MIB2: variants seen among roughly 807,000 people sequenced by gnomAD.
MIB2 encodes the protein MIB E3 ubiquitin protein ligase 2, also known as E3 ubiquitin-protein ligase MIB2.
A neutral mutation model predicts 96.6 loss-of-function variants in MIB2; 78 were observed. The observed-to-expected ratio is 0.81, with a 90% CI of 0.67 to 0.97. MIB2 has a LOEUF of 0.97. Ranked by LOEUF, MIB2 falls within the 50% of genes least tolerant of loss-of-function variation. The pLI, the probability that MIB2 is intolerant of heterozygous loss-of-function variation, is 0.00. For missense variants in MIB2, 1,543 were observed against 1,424.0 expected (o/e 1.08, Z -1.35); for synonymous variants, 820 against 629.5 (o/e 1.30, Z -4.53).
intron 4 of MIB2, 57 bp downstream of exon 4, chr1:1,624,002 G>A: frequency 1.3e-6 from 2 of 1,540,822 alleles, no homozygotes; most frequent in Admixed American, 1.9e-5. Flanking sequence ...TTGCCACTGG[G>A]GCCTTGGCCT....
chr1:1,627,122 C>G lies in MIB2; in HGVS notation c.1289C>G (p.Pro430Arg). Reference protein sequence around the residue: ...LDKLRAQKSDPEHPGRLVVEV... With the variant: ...LDKLRAQKSDREHPGRLVVEV... ...AAGCTTCGGGCCCAGAAGAGTGACCCAGAGCACCCGGGAAGGCTGGTGGTG... is the reference window on the plus strand; with the variant it reads ...AAGCTTCGGGCCCAGAAGAGTGACCGAGAGCACCCGGGAAGGCTGGTGGTG... The change falls in exon 11 of 20, where the codon CCA becomes CGA. Residue 430 changes from proline to arginine, a missense_variant. Coordinates refer to ENST00000355826, the MANE Select transcript of MIB2 (RefSeq NM_001170687.4). 1.9e-6 allele frequency: 3 copies of G among 1,599,568 alleles called. No homozygotes were observed. The highest frequency in any genetic ancestry group is 2.6e-6 in the Non-Finnish European group (3 of 1,173,566).
At position 1,628,484 on chromosome 1, in the gene MIB2, C is replaced by T. The variant is rs942224737; in HGVS notation, c.1969-5C>T. On this transcript the variant is annotated splice_region_variant and splice_polypyrimidine_tract_variant and intron_variant, in intron 15 of 19. Transcript: ENST00000355826. Reference sequence around the variant, plus strand: ...TGGGCTGAGCCCGTCCCCACCCCTCCCCAGGGCCGCTGTGACGTGAACGTG... The same window carrying T: ...TGGGCTGAGCCCGTCCCCACCCCTCTCCAGGGCCGCTGTGACGTGAACGTG... 6.3e-6 allele frequency: 10 copies of T among 1,596,508 alleles called. No individual in the cohort carries two copies. The highest frequency in any genetic ancestry group is 3.4e-5 in the Admixed American group (2 of 59,026).
In MIB2 at chr1:1,629,234, C is replaced by T. The variant is rs528001471; in HGVS notation, c.2304C>T (p.His768=). The T allele has an allele frequency of 7.1e-5, 110 of 1,544,540 alleles. No homozygotes were observed. The Admixed American group carries it at 2.0e-3, about 28-fold the overall frequency. ...GCGCCGACGTGAGCTACACCAACCA[C>T]CGCGGTCGGAGCCCGCTGGACCTGG... is the stretch of plus-strand genomic sequence containing the variant. ...LEGADVSYTN[H]RGRSPLDLAA... The change falls in exon 17 of 20, where the codon CAC becomes CAT. Residue 768 remains histidine (H), a synonymous_variant. Transcript: ENST00000355826.
chr1:1,615,913 C>G (rs1252996220), intron 1 of MIB2: 1 of 1,003,994 alleles, frequency 1.0e-6, no homozygotes, highest in Non-Finnish European at 1.2e-6. Context: ...GCGCTGGGGT[C>G]GTCGTCCGGG....
intron 1 of MIB2, chr1:1,616,278 C>G (rs1270778327): frequency 1.5e-5 from 6 of 410,698 alleles, no homozygotes; most frequent in Non-Finnish European, 7.5e-6. Flanking sequence ...CTCCTGACGT[C>G]TGCGAGCCGC....
At position 1,628,624 on chromosome 1, in the gene MIB2, G is replaced by C; in HGVS notation, c.2104G>C (p.Asp702His). Residue 702 changes from aspartate (D) to histidine (H), a missense_variant, in exon 16 of 20, where the codon GAC becomes CAC. Transcript: ENST00000355826. The part of the protein sequence containing the change: ...CSVNAEDEEG[D>H]TALHVALQRH... ...TGTCAACGCCGAGGACGAGGAGGGG[G>C]ACACAGCCCTGCACGTGGCGCTGCA... 6.3e-7 allele frequency: 1 copy of C among 1,598,494 alleles called. No individual in the cohort carries two copies. The highest frequency in any genetic ancestry group is 1.3e-5 in the African/African-American group (1 of 74,890).
intron 4 of MIB2, 30 bp downstream of exon 4, chr1:1,623,975 C>T (rs747835537): frequency 5.5e-5 from 87 of 1,581,876 alleles, no homozygotes; most frequent in African/African-American, 3.6e-4. Flanking sequence ...GGCTCCTGTG[C>T]GGCGGGTACC....
Position 1,627,717 on chromosome 1 carries a change from G to C in MIB2, c.1568G>C (p.Arg523Pro), listed in dbSNP as rs376267622. Residue 523 changes from arginine to proline, a missense_variant, in exon 13 of 20, where the codon CGG becomes CCG. By Grantham distance (103) the Arg-to-Pro change is moderately radical. Transcript: ENST00000355826. Reference protein sequence around the residue: ...ATRVLLSAGCRADAINSTQST... With the variant: ...ATRVLLSAGCPADAINSTQST... ...AGGGTGCTCCTGAGTGCTGGGTGCC[G>C]GGCGGACGCCATCAACAGCACCCAG... 3.1e-6 allele frequency: 5 copies of C among 1,595,034 alleles called. No homozygotes were observed. Among genetic ancestry groups the C allele is most frequent in the Middle Eastern group, 1.7e-4 (1 of 6,052 alleles).
In MIB2 at chr1:1,627,844, C is replaced by G; in HGVS notation, c.1680+15C>G. The G allele has an allele frequency of 1.3e-6, 2 of 1,591,372 alleles. No homozygotes were observed. The highest frequency in any genetic ancestry group is 1.1e-5 in the South Asian group (1 of 89,952). On this transcript the variant is annotated intron_variant, in intron 13 of 19. Transcript: ENST00000355826. The stretch of plus-strand genomic sequence containing the variant: ...TCAACCTGCCCGTGAGTGCTGCTCC[C>G]TGGCCTGGGTGCCCCCTGCCCGTGA...
intron 16 of MIB2, 50 bp downstream of exon 16, chr1:1,628,772 G>T: frequency 7.1e-7 from 1 of 1,399,134 alleles, no homozygotes; most frequent in Non-Finnish European, 9.5e-7. Flanking sequence ...GGCGCCGGCA[G>T]CAGGCTCTGG....
In MIB2 at chr1:1,626,533, C is replaced by T. The variant is rs148187208; in HGVS notation, c.973-117C>T. On this transcript the variant is annotated intron_variant, in intron 8 of 19. Transcript: ENST00000355826. This position sits in a 1 kb window ranked among gnomAD's most constrained non-coding sequence, Gnocchi z 5.3. ...GCAGTGCCTGGGGTCGGGGTCGGGG[C>T]CGGGGCCGAGTCAGGCCTGCCTGTC... 6.7e-5 allele frequency: 56 copies of T among 839,518 alleles called. No homozygotes were observed. Among genetic ancestry groups the T allele is most frequent in the Non-Finnish European group, 9.5e-5 (53 of 559,724 alleles). 52.0% of individuals were successfully genotyped at this position (839,518 alleles called of 1,614,324 possible). A position where few individuals can be genotyped will look rare whatever the true frequency, so the allele number is the denominator to read the frequency against.
rs758867372 is a variant in MIB2 at position 1,628,561 on chromosome 1, G to A, written c.2041G>A (p.Val681Met). Residue 681 changes from valine (V) to methionine (M), a missense_variant, in exon 16 of 20, where the codon GTG (valine) becomes ATG (methionine). Coordinates refer to ENST00000355826, the MANE Select transcript of MIB2 (RefSeq NM_001170687.4). ...GCATCTCGCCGTGCAACAGGCCCAC[G>A]TGGGGCTGGTGCCGCTACTGGTGGA... ...PLHLAVQQAHVGLVPLLVDAG... is the reference protein window; with the variant it reads ...PLHLAVQQAHMGLVPLLVDAG... 51 of 1,601,004 alleles carry A rather than the reference G, an allele frequency of 3.2e-5. No individual in the cohort carries two copies. Among genetic ancestry groups the A allele is most frequent in the Non-Finnish European group, 4.2e-5 (49 of 1,178,478 alleles).
In MIB2 at chr1:1,628,147, G is replaced by A; in HGVS notation, c.1809G>A (p.Leu603=). ...VTATNSQGFT[L]LHHASLKGHA... is the part of the protein sequence containing the mutation. ...CCACCAACAGCCAGGGTTTCACCCT[G>A]CTGCACCATGCCTCCCTCAAGGGTC... The change falls in exon 14 of 20, where the codon CTG becomes CTA. Residue 603 remains leucine, a synonymous_variant. Coordinates refer to ENST00000355826, the MANE Select transcript of MIB2 (RefSeq NM_001170687.4). 3.1e-6 allele frequency: 5 copies of A among 1,613,432 alleles called. No homozygotes were observed. Among genetic ancestry groups the A allele is most frequent in the Non-Finnish European group, 4.2e-6 (5 of 1,180,018 alleles).
At chr1:1,616,400 TG>T in intron 1 of MIB2, 107 bp from the exon 2 acceptor site, 1 of 787,804 alleles carries the variant, frequency 1.3e-6, no homozygotes, top group Non-Finnish European at 1.9e-6. Context: ...GTCGCGGCCG[TG>T]GGCCCGAGTG....
At position 1,627,725 on chromosome 1, in the gene MIB2, G is replaced by A. The variant is rs74808013; in HGVS notation, c.1576G>A (p.Ala526Thr). 1.9e-3 allele frequency: 3,104 copies of A among 1,595,400 alleles called. 46 individuals are homozygous for A. The African/African-American group carries it at 0.036, about 19-fold the overall frequency. The change falls in exon 13 of 20, where the codon GCC (alanine) becomes ACC (threonine). Residue 526 changes from alanine to threonine, a missense_variant. Ala to Thr is a moderately conservative substitution (Grantham distance 58, BLOSUM62 0). Coordinates refer to ENST00000355826, the MANE Select transcript of MIB2 (RefSeq NM_001170687.4). ...CCTGAGTGCTGGGTGCCGGGCGGAC[G>A]CCATCAACAGCACCCAGAGCACAGC... ...VLLSAGCRAD[A>T]INSTQSTALH...
chr1:1,627,293 C>T lies in MIB2; in HGVS notation c.1375-3C>T, dbSNP rs779212580. 2 of 1,613,224 alleles carry T rather than the reference C, an allele frequency of 1.2e-6. No homozygotes were observed. The highest frequency in any genetic ancestry group is 1.1e-5 in the South Asian group (1 of 91,084). ...GGGACTCACCTGCTGGCACTCTTGG[C>T]AGGTGGACACCAAGAACCAAGGCAG... is the stretch of plus-strand genomic sequence containing the variant. On this transcript the variant is annotated splice_polypyrimidine_tract_variant and splice_region_variant and intron_variant, in intron 11 of 19. Transcript: ENST00000355826.
Position 1,623,549 on chromosome 1 carries a change from G to T in MIB2, c.97G>T (p.Val33Leu). Residue 33 changes from valine to leucine, a missense_variant, in exon 3 of 20, where the codon GTG becomes TTG. Physicochemically the swap from Val to Leu is conservative, Grantham distance 32. Coordinates refer to ENST00000355826, the MANE Select transcript of MIB2 (RefSeq NM_001170687.4). ...WGQQDGGEGG[V>L]GTVVELGRHG... The stretch of plus-strand genomic sequence containing the variant: ...CCAGCAGGACGGCGGCGAGGGCGGC[G>T]TGGGCACGGTGGTGGAGCTTGGCCG... The T allele has an allele frequency of 6.5e-7, 1 of 1,530,886 alleles. No individual in the cohort carries two copies. The highest frequency in any genetic ancestry group is 1.4e-5 in the African/African-American group (1 of 72,252). 94.8% of individuals were successfully genotyped at this position (1,530,886 alleles called of 1,614,324 possible).
chr1:1,627,620 G>A lies in MIB2; in HGVS notation c.1524-53G>A, dbSNP rs1644926214. On this transcript the variant is annotated intron_variant, in intron 12 of 19. Transcript: ENST00000355826. ...TCGGGCCTGGCGGGGCTGAGCCTGT[G>A]CGTCCAGCCACCGGGCCCGGCGCCC... 3 of 1,548,384 alleles carry A rather than the reference G, an allele frequency of 1.9e-6. No individual in the cohort carries two copies. In the African/African-American group the frequency reaches 4.1e-5, roughly 21 times the overall value.
In MIB2 at chr1:1,628,738, G is replaced by T. The variant is rs769445203; in HGVS notation, c.2202+16G>T. 8.6e-6 allele frequency: 13 copies of T among 1,509,576 alleles called. No individual in the cohort carries two copies. Among genetic ancestry groups the T allele is most frequent in the African/African-American group, 1.4e-5 (1 of 72,514 alleles). The allele number at this position is 1,509,576 out of a possible 1,614,324, so 93.5% of individuals were successfully genotyped here. On this transcript the variant is annotated intron_variant, in intron 16 of 19. Transcript: ENST00000355826. ...GCTGTCCAGGGTGAGGAAGTGTGGCGTGGGGTGCTGGAGAGGCTGCGGTGG... is the reference window on the plus strand; with the variant it reads ...GCTGTCCAGGGTGAGGAAGTGTGGCTTGGGGTGCTGGAGAGGCTGCGGTGG...
Sources: allele counts gnomAD v4.1 joint callset, GRCh38; gene constraint gnomAD v4.1.1; non-coding constraint Gnocchi (gnomAD v3.1); transcripts MANE v1.5; gene names NCBI Gene and HGNC (gene_info 2026-07-23, HGNC 2026-07-21).